The following AFP variants were observed in gnomAD, a reference collection of about 807,000 sequenced individuals.
AFP encodes alpha-fetoprotein.
A neutral mutation model predicts 78.9 loss-of-function variants in AFP; 64 were observed. The observed-to-expected ratio is 0.81, with a 90% CI of 0.66 to 1.00. The LOEUF (loss-of-function observed/expected upper bound fraction) is 1.00. Among genes scored for constraint, AFP ranks in the 50% least tolerant of loss-of-function variants. The pLI is 0.00. For missense variants in AFP, 689 were observed against 703.8 expected, an observed-to-expected ratio of 0.98 and a Z score of 0.24; for synonymous variants, 254 against 243.8, an observed-to-expected ratio of 1.04 and a Z score of -0.39.
intron 11 of AFP, 102 bp from the exon 12 acceptor site, chr4:73,452,299 T>G: frequency 1.1e-6 from 1 of 874,636 alleles, no homozygotes; most frequent in Non-Finnish European, 1.9e-6. Context: ...AATTATAAAT[T>G]GCTGGGCATT....
At chr4:73,450,193 C>A in intron 10 of AFP, 60 bp downstream of exon 10, 1 of 1,292,758 alleles carries the variant, frequency 7.7e-7, no homozygotes, top group Non-Finnish European at 1.1e-6. Flanking sequence ...ATGTAGCCTT[C>A]CCCATTCTCC....
At chr4:73,443,483 A>C (rs1160022251) in intron 6 of AFP, 39 bp downstream of exon 6, 1 of 1,491,762 alleles carries the variant, frequency 6.7e-7, no homozygotes. Context: ...GGTGAGAGCT[A>C]CAGAACTACC....
intron 5 of AFP, 124 bp downstream of exon 5, chr4:73,442,552 T>C (rs117516102): frequency 2.6e-6 from 3 of 1,159,850 alleles, no homozygotes; most frequent in East Asian, 2.4e-5. Flanking sequence ...GAGAAATAGT[T>C]CAGCAGTCTG....
At chr4:73,455,376 A>C (rs1720127674) in intron 14 of AFP, 86 bp downstream of exon 14, 2 of 1,105,304 alleles carry the variant, frequency 1.8e-6, no homozygotes, top group Admixed American at 3.8e-5. Flanking sequence ...GAGGAGTGCC[A>C]TTAATTCTCT....
Position 73,456,006 on chromosome 4 carries a change from A to G in AFP, c.*386A>G, listed in dbSNP as rs1266295240. The stretch of plus-strand genomic sequence containing the variant: ...AGGGCATTTTGTTTATTAAATGACC[A>G]TCACTGAAGTATTCTAACAGATAAT... On this transcript the variant is annotated 3_prime_UTR_variant, in exon 15 of 15. Coordinates refer to ENST00000395792, the MANE Select transcript of AFP (RefSeq NM_001134.3). 3 of 215,386 alleles carry G rather than the reference A, an allele frequency of 1.4e-5. No homozygotes were observed. The South Asian group carries it at 3.5e-4, about 25-fold the overall frequency. 13.3% of individuals were successfully genotyped at this position (215,386 alleles called of 1,614,324 possible).
intron 12 of AFP, among the ~76,000 whole-genome samples, chr4:73,453,108 G>T (rs560344582): frequency 2.0e-5 from 3 of 152,266 alleles, no homozygotes; most frequent in South Asian, 4.1e-4. Flanking sequence ...TTTTGTAATG[G>T]TGATGGTCAT....
At chr4:73,440,378 C>T (rs1336932831) in intron 3 of AFP, among the ~76,000 whole-genome samples, 1 of 152,098 alleles carries the variant, frequency 6.6e-6, no homozygotes, top group Non-Finnish European at 1.5e-5. Context: ...CAAAAGATTG[C>T]ATGGCTTTTT....
At position 73,447,559 on chromosome 4, in the gene AFP, T is replaced by A. The variant is rs967861911; in HGVS notation, c.941T>A (p.Ile314Lys). The change falls in exon 8 of 15, where the codon ATA (isoleucine) becomes AAA (lysine). Residue 314 changes from isoleucine to lysine, a missense_variant. Ile to Lys is a moderately radical substitution (Grantham distance 102). Transcript: ENST00000395792. ...ACCACGCTGGAACGTGGTCAATGTA[T>A]AATTCATGCAGAAAATGATGAAAAA... is the stretch of plus-strand genomic sequence containing the variant. ...KLTTLERGQC[I>K]IHAENDEKPE... 2 of 1,612,660 alleles carry A rather than the reference T, an allele frequency of 1.2e-6. No individual in the cohort carries two copies. Among genetic ancestry groups the A allele is most frequent in the Non-Finnish European group, 1.7e-6 (2 of 1,179,628 alleles).
At chr4:73,438,739 T>C (rs986365329) in intron 3 of AFP, among the ~76,000 whole-genome samples, 6 of 152,124 alleles carry the variant, frequency 3.9e-5, no homozygotes, top group African/African-American at 1.4e-4. Context: ...AAAAATATTT[T>C]ATGACATAGG....
At chr4:73,437,508 C>T (rs1025621648) in intron 2 of AFP, among the ~76,000 whole-genome samples, 1 of 151,998 alleles carries the variant, frequency 6.6e-6, no homozygotes, top group African/African-American at 2.4e-5. Flanking sequence ...AGGAATTTTT[C>T]TCATCAGTAC....
At chr4:73,447,397 T>G (rs1213771771) in intron 7 of AFP, 65 bp from the exon 8 acceptor site, 4 of 1,253,250 alleles carry the variant, frequency 3.2e-6, no homozygotes, top group East Asian at 2.6e-5. Flanking sequence ...TTTCTAAAGC[T>G]GGCTTTGAGA....
chr4:73,440,880 T>G lies in AFP; in HGVS notation c.482+67T>G, dbSNP rs1485419333. On this transcript the variant is annotated intron_variant, in intron 4 of 14. Coordinates refer to ENST00000395792, the MANE Select transcript of AFP (RefSeq NM_001134.3). ...CAGCAATGGCAAGCCTAATTTAGTA[T>G]TTTTGCAATGTACTCATGTACTCCC... 2.8e-6 allele frequency: 4 copies of G among 1,442,312 alleles called. No individual in the cohort carries two copies. The East Asian group carries it at 9.4e-5, about 34-fold the overall frequency. 89.3% of individuals were successfully genotyped at this position (1,442,312 alleles called of 1,614,324 possible). A position where few individuals can be genotyped will look rare whatever the true frequency, so the allele number is the denominator to read the frequency against.
At chr4:73,449,949 A>G in intron 9 of AFP, 87 bp from the exon 10 acceptor site, 1 of 810,908 alleles carries the variant, frequency 1.2e-6, no homozygotes, top group Non-Finnish European at 2.0e-6. Context: ...TTGGTTTTAT[A>G]ATAGTATATA....
At chr4:73,441,542 G>T (rs11725873) in intron 4 of AFP, among the ~76,000 whole-genome samples, 139,822 of 141,228 alleles carry the variant, frequency 0.99, 69,232 homozygotes, top group East Asian at 1. Context: ...CACTCCCGCC[G>T]GGGCCACAGA....
At position 73,452,612 on chromosome 4, in the gene AFP, C is replaced by T. The variant is rs114970091; in HGVS notation, c.1640C>T (p.Thr547Ile). 4.6e-4 allele frequency: 749 copies of T among 1,611,686 alleles called. 1 individual carries two copies. The African/African-American group carries it at 8.8e-3, about 19-fold the overall frequency. The change falls in exon 12 of 15, where the codon ACA becomes ATA. Residue 547 changes from threonine (T) to isoleucine (I), a missense_variant. Physicochemically the swap from Thr to Ile is moderately conservative, Grantham distance 89. Coordinates refer to ENST00000395792, the MANE Select transcript of AFP (RefSeq NM_001134.3). Reference sequence around the variant, plus strand: ...CAAGCTCAGGGTGTAGCGCTGCAAACAATGAAGCAAGAGTAAGAAACTGTT... The same window carrying T: ...CAAGCTCAGGGTGTAGCGCTGCAAATAATGAAGCAAGAGTAAGAAACTGTT... Reference protein sequence around the residue: ...LCQAQGVALQTMKQEFLINLV... With the variant: ...LCQAQGVALQIMKQEFLINLV...
At chr4:73,441,706 G>A (rs1234654042) in intron 4 of AFP, among the ~76,000 whole-genome samples, 2 of 151,944 alleles carry the variant, frequency 1.3e-5, no homozygotes, top group African/African-American at 4.8e-5. Context: ...TTGTTGATAG[G>A]AAATTGAAGG....
chr4:73,440,894 T>A (rs1345644593), intron 4 of AFP, 81 bp downstream of exon 4: 1 of 1,275,346 alleles, frequency 7.8e-7, no homozygotes, highest in Non-Finnish European at 1.1e-6. Flanking sequence ...TGCAATGTAC[T>A]CATGTACTCC....
At chr4:73,441,425 G>A (rs903730217) in intron 4 of AFP, among the ~76,000 whole-genome samples, 5 of 151,554 alleles carry the variant, frequency 3.3e-5, no homozygotes, top group Non-Finnish European at 4.4e-5. Flanking sequence ...AAAATTAGCC[G>A]GGCGTGATGG....
chr4:73,449,236 C>T, intron 8 of AFP, 99 bp from the exon 9 acceptor site: 1 of 1,089,248 alleles, frequency 9.2e-7, no homozygotes, highest in Non-Finnish European at 1.3e-6. Flanking sequence ...TTGAATTTAA[C>T]TTCCACATGC....
Sources: gnomAD v4.1 joint callset for allele counts (sites outside exome capture counted in the v4.1 genomes callset) on GRCh38, gnomAD v4.1.1 for gene constraint, MANE v1.5 for transcripts, NCBI Gene and HGNC (gene_info 2026-07-23, HGNC 2026-07-21) for gene names.